Variants in FBXO34 observed in about 807,000 individuals in gnomAD.
FBXO34 encodes the protein F-box only protein 34.
In FBXO34, 12 loss-of-function variants were observed where a neutral mutation model predicts 24.5. The observed-to-expected ratio is 0.49, with a 90% CI of 0.31 to 0.79. The LOEUF (loss-of-function observed/expected upper bound fraction) is 0.79. FBXO34 is among the 30% of genes least tolerant of loss of function. FBXO34 has a pLI of 0.04. For missense variants in FBXO34, 823 were observed against 857.7 expected (o/e 0.96, Z 0.51); for synonymous variants, 320 against 311.9 (o/e 1.03, Z -0.27).
chr14:55,351,088 C>G lies in FBXO34; in HGVS notation c.698C>G (p.Pro233Arg). The change falls in exon 2 of 2, where the codon CCT becomes CGT. Residue 233 changes from proline (P) to arginine (R), a missense_variant. By Grantham distance (103) the Pro-to-Arg change is moderately radical. This residue lies in a region of FBXO34 where 693 missense variants were observed against 659.1 expected (regional missense o/e 1.05). Transcript: ENST00000313833. ...ASCSKNCTNS[P>R]AIVRFSGQSR... ...TGTTCAAAAAACTGCACAAACTCAC[C>G]TGCAATTGTGAGGTTTTCTGGCCAA... The G allele has an allele frequency of 6.2e-7, 1 of 1,614,212 alleles. No individual in the cohort carries two copies. Among genetic ancestry groups the G allele is most frequent in the South Asian group, 1.1e-5 (1 of 91,082 alleles).
chr14:55,431,044 T>G, the FBXO34 span, among the ~76,000 whole-genome samples: 1 of 152,202 alleles, frequency 6.6e-6, no homozygotes, highest in African/African-American at 2.4e-5. Context: ...TTAAAAATCT[T>G]AAAATCTCAC....
chr14:55,395,232 A>G, the FBXO34 span: 3 of 362,844 alleles, frequency 8.3e-6, no homozygotes, highest in African/African-American at 2.2e-5. Context: ...CCTCTTGGGC[A>G]TCCTGGCTGC....
At chr14:55,277,495 TTTA>T (rs749676095) in intron 1 of FBXO34, among the ~76,000 whole-genome samples, 58 of 152,104 alleles carry the variant, frequency 3.8e-4, no homozygotes, top group Non-Finnish European at 6.5e-4. Context: ...TGCTTTTTTT[TTTA>T]TTATTATTTT....
At chr14:55,408,778 AT>A in the FBXO34 span, among the ~76,000 whole-genome samples, 1 of 152,190 alleles carries the variant, frequency 6.6e-6, no homozygotes, top group African/African-American at 2.4e-5. Context: ...CTCAAAAAAA[AT>A]AAAATAAAAT....
chr14:55,338,455 C>T (rs1883869709), intron 1 of FBXO34, among the ~76,000 whole-genome samples: 1 of 152,120 alleles, frequency 6.6e-6, no homozygotes, highest in South Asian at 2.1e-4. Context: ...GTATGTACTT[C>T]TTGGGGTTTT....
chr14:55,432,205 C>T, the FBXO34 span, among the ~76,000 whole-genome samples: 2 of 146,548 alleles, frequency 1.4e-5, no homozygotes, highest in African/African-American at 5.1e-5. Flanking sequence ...CCCAGGAGTT[C>T]GAGACCAGCC....
At chr14:55,399,048 C>T in the FBXO34 span, among the ~76,000 whole-genome samples, 1 of 152,134 alleles carries the variant, frequency 6.6e-6, no homozygotes, top group Admixed American at 6.5e-5. Context: ...TAAAAATATT[C>T]TGGACAAAGA....
intron 1 of FBXO34, among the ~76,000 whole-genome samples, chr14:55,317,735 C>G (rs1217361672): frequency 6.6e-6 from 1 of 152,180 alleles, no homozygotes; most frequent in Non-Finnish European, 1.5e-5. Context: ...CTCATTCTCC[C>G]CATTACCCCT....
Position 55,299,017 on chromosome 14 carries a change from A to G in FBXO34, c.-11+27480A>G. The G allele has an allele frequency of 3.7e-6, 6 of 1,608,274 alleles. No individual in the cohort carries two copies. In the South Asian group the frequency reaches 5.5e-5, roughly 15 times the overall value. On this transcript the variant is annotated intron_variant, in intron 1 of 1. Transcript: ENST00000313833. ...GATGAGTTAATGCAGGACATTGCTG[A>G]CCAGCAAGAACTTGGGGAGGAGATT...
intron 1 of FBXO34, chr14:55,339,388 C>CCG (rs1555339092): frequency 5.5e-5 from 8 of 145,866 alleles, no homozygotes; most frequent in East Asian, 4.3e-4. Context: ...GCCCCCCCCC[C>CCG]CAATCCTGGA....
chr14:55,419,211 C>T, the FBXO34 span, among the ~76,000 whole-genome samples: 1 of 152,206 alleles, frequency 6.6e-6, no homozygotes, highest in Admixed American at 6.5e-5. Flanking sequence ...ATGCCTGTTG[C>T]CCTGCGGCAC....
intron 1 of FBXO34, chr14:55,339,413 G>T (rs187906366): frequency 1.4e-5 from 2 of 139,184 alleles, no homozygotes; most frequent in Non-Finnish European, 3.0e-5. Flanking sequence ...TGCTAACCTG[G>T]TTCCAAAGGC....
the FBXO34 span, among the ~76,000 whole-genome samples, chr14:55,425,921 C>T: frequency 3.3e-5 from 5 of 152,140 alleles, no homozygotes; most frequent in South Asian, 4.1e-4. Flanking sequence ...ATGGTAGTCA[C>T]CTAGATCTTA....
chr14:55,352,317 G>A lies in FBXO34; in HGVS notation c.1927G>A (p.Asp643Asn). 1 of 1,614,146 alleles carries A rather than the reference G, an allele frequency of 6.2e-7. No individual in the cohort carries two copies. Among genetic ancestry groups the A allele is most frequent in the East Asian group, 2.2e-5 (1 of 44,884 alleles). The change falls in exon 2 of 2, where the codon GAT (aspartate) becomes AAT (asparagine). Residue 643 changes from aspartate (D) to asparagine (N), a missense_variant. By Grantham distance (23) the Asp-to-Asn change is conservative (BLOSUM62 1). This residue lies in a region of FBXO34 where 130 missense variants were observed against 198.6 expected (regional missense o/e 0.65). Transcript: ENST00000313833. ...KQCKKKYVKG[D>N]VSLCRWHPKP... ...GTGCAAGAAAAAGTATGTGAAAGGG[G>A]ATGTGTCCCTGTGCCGATGGCACCC...
chr14:55,440,483 G>C, the FBXO34 span: 3 of 1,612,312 alleles, frequency 1.9e-6, no homozygotes, highest in Non-Finnish European at 2.5e-6. Flanking sequence ...GTGGGGGCGG[G>C]TAAGAGGGTA....
chr14:55,381,522 TAAATA>T, the FBXO34 span, among the ~76,000 whole-genome samples: 133 of 152,330 alleles, frequency 8.7e-4, no homozygotes, highest in African/African-American at 3.0e-3. Context: ...GATGAATGAA[TAAATA>T]AAATGTGTCT....
chr14:55,426,280 T>A, the FBXO34 span, among the ~76,000 whole-genome samples: 71 of 147,226 alleles, frequency 4.8e-4, no homozygotes, highest in Middle Eastern at 3.5e-3. Context: ...AAAAAAAAAA[T>A]AAATAAATAA....
the FBXO34 span, among the ~76,000 whole-genome samples, chr14:55,417,007 C>T: frequency 3.0e-4 from 46 of 152,330 alleles, no homozygotes; most frequent in African/African-American, 1.1e-3. Flanking sequence ...AAGAGCATTG[C>T]ATTCAAGCTC....
intron 1 of FBXO34, among the ~76,000 whole-genome samples, chr14:55,293,215 G>A (rs1180847411): frequency 6.6e-6 from 1 of 151,822 alleles, no homozygotes; most frequent in East Asian, 1.9e-4. Flanking sequence ...TTCTCACTCT[G>A]CCACCCAGGC....
Sources: gnomAD v4.1 joint callset for allele counts (sites outside exome capture counted in the v4.1 genomes callset) on GRCh38, gnomAD v4.1.1 for gene constraint, gnomAD v4.1.1 regional missense constraint, MANE v1.5 for transcripts, NCBI Gene and HGNC (gene_info 2026-07-23, HGNC 2026-07-21) for gene names.